SLC7A11: variants seen among roughly 807,000 people sequenced by gnomAD.
SLC7A11 encodes cystine/glutamate transporter.
SLC7A11 carries 35 observed loss-of-function variants against 54.5 expected under a neutral mutation model. The ratio of observed to expected loss-of-function variants is 0.64; its 90% CI spans 0.49 to 0.85. SLC7A11 has a LOEUF of 0.85. SLC7A11 is among the 40% of genes least tolerant of loss of function. SLC7A11 has a pLI of 0.00. For missense variants in SLC7A11, 583 were observed against 618.1 expected (o/e 0.94, Z 0.60); for synonymous variants, 230 against 225.2 (o/e 1.02, Z -0.19).
At chr4:138,195,854 G>C (rs1737118749) in intron 6 of SLC7A11, among the ~76,000 whole-genome samples, 1 of 152,130 alleles carries the variant, frequency 6.6e-6, no homozygotes, top group Non-Finnish European at 1.5e-5. Context: ...AGGGTTGTCA[G>C]GACGGTTTGT....
In SLC7A11 at chr4:138,238,784, G is replaced by C. The variant is rs527275038; in HGVS notation, c.278-2333C>G. 2.6e-5 allele frequency among the ~76,000 whole-genome samples: 4 copies of C among 152,000 alleles called. No homozygotes were observed. The South Asian group carries it at 8.3e-4, about 32-fold the overall frequency. Reference sequence around the variant, plus strand: ...CCAGCTAAATTTTTGTGTATTTTTTGTAGAGGCAGGGTTTTGCCATGTTGC... The same window carrying C: ...CCAGCTAAATTTTTGTGTATTTTTTCTAGAGGCAGGGTTTTGCCATGTTGC... On this transcript the variant is annotated intron_variant, in intron 1 of 11. Coordinates refer to ENST00000280612, the MANE Select transcript of SLC7A11 (RefSeq NM_014331.4).
rs760391383 is a variant in SLC7A11 at position 138,170,205 on chromosome 4, C to CTATATATATA, written c.*1741_*1750dup. 3.0e-3 allele frequency: 292 copies of CTATATATATA among 98,146 alleles called. 1 individual carries two copies. The highest frequency in any genetic ancestry group is 9.0e-3 in the African/African-American group (247 of 27,298). The allele number at this position is 98,146 out of a possible 1,614,324, so 6.1% of individuals were successfully genotyped here. On this transcript the variant is annotated 3_prime_UTR_variant, in exon 12 of 12. Transcript: ENST00000280612. ...ATATTACTCTCATTTGTAAGTTCCA[C>CTATATATATA]TATATATATATATATATATATATAA...
intron 2 of SLC7A11, among the ~76,000 whole-genome samples, chr4:138,234,015 CT>C (rs1738146221): frequency 6.6e-6 from 1 of 152,196 alleles, no homozygotes; most frequent in East Asian, 1.9e-4. Flanking sequence ...TACTGAAGCC[CT>C]TGGCCTGTCT....
rs148046604 is a variant in SLC7A11 at position 138,165,280 on chromosome 4, T to C, written c.*6676A>G. On this transcript the variant is annotated 3_prime_UTR_variant, in exon 12 of 12. Coordinates refer to ENST00000280612, the MANE Select transcript of SLC7A11 (RefSeq NM_014331.4). The stretch of plus-strand genomic sequence containing the variant: ...AATAACTAAAAACCATTTCTACCAG[T>C]GCATCACTACCATGTAATCCATTCT... The C allele has an allele frequency of 1.6e-4, 24 of 152,684 alleles. No homozygotes were observed. The highest frequency in any genetic ancestry group is 5.8e-4 in the African/African-American group (24 of 41,568). 9.5% of individuals were successfully genotyped at this position (152,684 alleles called of 1,614,324 possible). A position where few individuals can be genotyped will look rare whatever the true frequency, so the allele number is the denominator to read the frequency against.
At chr4:138,201,773 T>C (rs1051783636) in intron 6 of SLC7A11, among the ~76,000 whole-genome samples, 3 of 152,132 alleles carry the variant, frequency 2.0e-5, no homozygotes, top group East Asian at 3.9e-4. Context: ...ATTAAATAAG[T>C]ATCTACTATG....
intron 6 of SLC7A11, among the ~76,000 whole-genome samples, chr4:138,213,984 A>C (rs574981408): frequency 1.3e-5 from 2 of 152,212 alleles, no homozygotes; most frequent in Admixed American, 1.3e-4. Context: ...AGAATAATTC[A>C]TTTTTCCCTA....
At chr4:138,194,416 T>C (rs1225698719) in intron 6 of SLC7A11, among the ~76,000 whole-genome samples, 2 of 152,194 alleles carry the variant, frequency 1.3e-5, no homozygotes, top group Non-Finnish European at 2.9e-5. Context: ...TATTTACTAA[T>C]GCCTTTTCTT....
At position 138,232,266 on chromosome 4, in the gene SLC7A11, C is replaced by T. The variant is rs1046355632; in HGVS notation, c.520+1G>A. On this transcript the variant is annotated splice_donor_variant, in intron 3 of 11. Coordinates refer to ENST00000280612, the MANE Select transcript of SLC7A11 (RefSeq NM_014331.4). LOFTEE classifies it high-confidence loss of function. ...TTCACATATATAGCTATAATACTCA[C>T]TTATGCCCACAGCTGTAATGAGCTT... The T allele has an allele frequency of 1.3e-6, 2 of 1,568,418 alleles. No individual in the cohort carries two copies. Among genetic ancestry groups the T allele is most frequent in the African/African-American group, 1.4e-5 (1 of 73,984 alleles).
chr4:138,179,094 A>T (rs146753035), intron 11 of SLC7A11, 123 bp downstream of exon 11: 3 of 662,498 alleles, frequency 4.5e-6, no homozygotes, highest in Non-Finnish European at 7.7e-6. Flanking sequence ...TTAAAATGCC[A>T]TAATGTTCTC....
At chr4:138,229,321 A>C (rs1738019668) in intron 3 of SLC7A11, among the ~76,000 whole-genome samples, 1 of 152,168 alleles carries the variant, frequency 6.6e-6, no homozygotes, top group East Asian at 1.9e-4. Flanking sequence ...CCGCTGTTGC[A>C]CCATTAAAGC....
intron 3 of SLC7A11, among the ~76,000 whole-genome samples, chr4:138,229,971 C>T (rs1471895281): frequency 6.6e-6 from 1 of 152,044 alleles, no homozygotes; most frequent in African/African-American, 2.4e-5. Flanking sequence ...CTCAGTCATT[C>T]AAGGGACAAG....
At chr4:138,222,331 C>T (rs1482187322) in intron 4 of SLC7A11, among the ~76,000 whole-genome samples, 2 of 152,206 alleles carry the variant, frequency 1.3e-5, no homozygotes, top group African/African-American at 2.4e-5. Flanking sequence ...TCTTCTGCAA[C>T]GTCATTAAAT....
At chr4:138,217,696 T>C (rs1218156746) in intron 5 of SLC7A11, among the ~76,000 whole-genome samples, 1 of 152,204 alleles carries the variant, frequency 6.6e-6, no homozygotes, top group Non-Finnish European at 1.5e-5. Context: ...TGGTTGCATA[T>C]TGCCCGGCTC....
At position 138,214,598 on chromosome 4, in the gene SLC7A11, C is replaced by T; in HGVS notation, c.778G>A (p.Glu260Lys). The T allele has an allele frequency of 6.9e-7, 1 of 1,446,248 alleles. No homozygotes were observed. The highest frequency in any genetic ancestry group is 9.4e-7 in the Non-Finnish European group (1 of 1,064,712). The allele number at this position is 1,446,248 out of a possible 1,614,324, so 89.6% of individuals were successfully genotyped here. A position where few individuals can be genotyped will look rare whatever the true frequency, so the allele number is the denominator to read the frequency against. The change falls in exon 6 of 12, where the codon GAA becomes AAA. Residue 260 changes from glutamate (E) to lysine (K), a missense_variant. Transcript: ENST00000280612. ...FYLNFVTEEV[E>K]NPEKTIPLAI... ...CTGGCTACTTACTTTTCAGGGTTTT[C>T]TACTTCTTCAGTAACAAAGTTGAGG...
intron 6 of SLC7A11, 51 bp from the exon 7 acceptor site, chr4:138,185,295 C>T (rs1306275341): frequency 1.3e-6 from 2 of 1,592,318 alleles, no homozygotes; most frequent in Non-Finnish European, 1.7e-6. Context: ...TAGCCATTCT[C>T]TGATACCGAA....
chr4:138,213,159 A>T (rs1737592919), intron 6 of SLC7A11, among the ~76,000 whole-genome samples: 1 of 152,036 alleles, frequency 6.6e-6, no homozygotes, highest in Non-Finnish European at 1.5e-5. Flanking sequence ...AGAAAGAACT[A>T]GCTCTTGGTA....
intron 4 of SLC7A11, among the ~76,000 whole-genome samples, chr4:138,222,335 A>T (rs1458364520): frequency 6.6e-6 from 1 of 152,240 alleles, no homozygotes; most frequent in South Asian, 2.1e-4. Flanking sequence ...CTGCAACGTC[A>T]TTAAATTTCT....
intron 6 of SLC7A11, among the ~76,000 whole-genome samples, chr4:138,207,532 C>T (rs1737438118): frequency 6.6e-6 from 1 of 151,914 alleles, no homozygotes; most frequent in South Asian, 2.1e-4. Context: ...TGGTGAAACC[C>T]CATTTCTACT....
In SLC7A11 at chr4:138,241,921, A is replaced by T. The variant is rs1217542208; in HGVS notation, c.149T>A (p.Val50Asp). 1.9e-6 allele frequency: 3 copies of T among 1,613,576 alleles called. No homozygotes were observed. Among genetic ancestry groups the T allele is most frequent in the Non-Finnish European group, 2.5e-6 (3 of 1,179,858 alleles). The stretch of plus-strand genomic sequence containing the variant: ...AATGATGGTGCCAATGATAATGGAG[A>T]CTCCCCTCAGTAAAGTGACTTTCCT... Reference protein sequence around the residue: ...LKRKVTLLRGVSIIIGTIIGA... With the variant: ...LKRKVTLLRGDSIIIGTIIGA... Residue 50 changes from valine (V) to aspartate (D), a missense_variant, in exon 1 of 12, where the codon GTC (valine) becomes GAC (aspartate). Transcript: ENST00000280612.
Sources: allele counts gnomAD v4.1 joint callset (sites outside exome capture counted in the v4.1 genomes callset), GRCh38; gene constraint gnomAD v4.1.1; transcripts MANE v1.5; gene names NCBI Gene and HGNC (gene_info 2026-07-23, HGNC 2026-07-21).